DRD3: variants seen among roughly 807,000 people sequenced by gnomAD.
DRD3 encodes the protein dopamine receptor D3, also known as D(3) dopamine receptor.
DRD3 carries 19 observed loss-of-function variants against 36.3 expected under a neutral mutation model. The observed-to-expected ratio is 0.52, with a 90% CI of 0.36 to 0.77. The LOEUF is 0.77. DRD3 is among the 30% of genes least tolerant of loss of function. The pLI, the probability that DRD3 is intolerant of heterozygous loss-of-function variation, is 0.00. For synonymous variants in DRD3, 195 were observed against 203.7 expected (o/e 0.96, Z 0.36); for missense variants, 465 against 505.3 (o/e 0.92, Z 0.77).
chr3:114,166,548 T>C (rs324023), intron 2 of DRD3, among the ~76,000 whole-genome samples: 87,683 of 152,100 alleles, frequency 0.58, 28,168 homozygotes, highest in Non-Finnish European at 0.72. Flanking sequence ...GATGACAGCA[T>C]GAAGGCCCTT....
intron 1 of DRD3, among the ~76,000 whole-genome samples, chr3:114,176,997 T>C (rs1262701097): frequency 6.6e-6 from 1 of 151,996 alleles, no homozygotes; most frequent in Non-Finnish European, 1.5e-5. Flanking sequence ...AATGATGGAG[T>C]TGATTCAACC....
upstream of DRD3, among the ~76,000 whole-genome samples, chr3:114,181,231 A>G (rs969291060): frequency 7.9e-5 from 12 of 152,228 alleles, no homozygotes; most frequent in Non-Finnish European, 1.6e-4. Context: ...AACAAGAGAC[A>G]GGAAAATTAA....
chr3:114,174,495 C>A (rs889120340), intron 1 of DRD3, among the ~76,000 whole-genome samples: 5 of 152,194 alleles, frequency 3.3e-5, no homozygotes, highest in Non-Finnish European at 7.3e-5. Flanking sequence ...GCTAATTATA[C>A]GAAGGGAAAC....
At chr3:114,170,178 A>T (rs942780290) in intron 2 of DRD3, among the ~76,000 whole-genome samples, 27 of 152,188 alleles carry the variant, frequency 1.8e-4, no homozygotes, top group African/African-American at 6.5e-4. Flanking sequence ...TTATTGTTGG[A>T]TGTAAAATAA....
intron 3 of DRD3, among the ~76,000 whole-genome samples, chr3:114,156,712 CCTGT>C (rs1283116638): frequency 6.9e-5 from 4 of 57,758 alleles, no homozygotes; most frequent in East Asian, 4.7e-4. Context: ...ATATGGCTTG[CCTGT>C]CTTTCTTTCT....
At chr3:114,143,733 A>G (rs1172500769) in intron 4 of DRD3, among the ~76,000 whole-genome samples, 2 of 152,174 alleles carry the variant, frequency 1.3e-5, no homozygotes, top group Non-Finnish European at 2.9e-5. Flanking sequence ...GAGATGTTCT[A>G]TTGATGAAAT....
intron 2 of DRD3, among the ~76,000 whole-genome samples, chr3:114,163,175 C>T (rs1367246913): frequency 6.6e-6 from 1 of 152,184 alleles, no homozygotes. Flanking sequence ...ATCTGATTAG[C>T]TGATTAAAAT....
chr3:114,177,776 T>A (rs2077915182), intron 1 of DRD3, among the ~76,000 whole-genome samples: 1 of 152,212 alleles, frequency 6.6e-6, no homozygotes, highest in Admixed American at 6.5e-5. Context: ...CGAGTAAGAA[T>A]CTTTCTCACA....
intron 6 of DRD3, among the ~76,000 whole-genome samples, chr3:114,130,561 A>G (rs925461747): frequency 6.6e-6 from 1 of 151,306 alleles, no homozygotes; most frequent in Non-Finnish European, 1.5e-5. Context: ...AGTAGCTGGG[A>G]CTACAGGCGC....
At chr3:114,139,471 C>T (rs371520451) in intron 5 of DRD3, 29 bp downstream of exon 5, 20 of 1,595,966 alleles carry the variant, frequency 1.3e-5, no homozygotes, top group Non-Finnish European at 1.5e-5. Flanking sequence ...TGGGTGTTGT[C>T]TTCCCTCTAC....
chr3:114,180,262 T>C (rs1167723847), upstream of DRD3, among the ~76,000 whole-genome samples: 1 of 152,184 alleles, frequency 6.6e-6, no homozygotes, highest in African/African-American at 2.4e-5. Flanking sequence ...TTATATTACA[T>C]CAGTCTTCAT....
At chr3:114,180,809 C>A (rs1404171606), upstream of DRD3, among the ~76,000 whole-genome samples, 2 of 152,116 alleles carry the variant, frequency 1.3e-5, no homozygotes, top group African/African-American at 4.8e-5. Flanking sequence ...GGCTTTTCTT[C>A]CCTTGGATAA....
At chr3:114,132,792 TAAC>T (rs1253074106) in intron 5 of DRD3, among the ~76,000 whole-genome samples, 4 of 152,152 alleles carry the variant, frequency 2.6e-5, no homozygotes, top group South Asian at 2.1e-4. Flanking sequence ...AAATAAATTT[TAAC>T]AACAACAATG....
intron 1 of DRD3, among the ~76,000 whole-genome samples, chr3:114,175,547 T>C (rs7638961): frequency 0.46 from 69,071 of 151,802 alleles, 18,202 homozygotes; most frequent in African/African-American, 0.73. Context: ...TCTCACTCAT[T>C]TTTGCTTTCA....
At chr3:114,168,069 A>G (rs1486581270) in intron 2 of DRD3, among the ~76,000 whole-genome samples, 1 of 152,242 alleles carries the variant, frequency 6.6e-6, no homozygotes, top group East Asian at 1.9e-4. Context: ...AGTTCCTGGT[A>G]TGACAGCCAA....
chr3:114,139,747 G>A, intron 4 of DRD3, 51 bp from the exon 5 acceptor site: 1 of 1,568,548 alleles, frequency 6.4e-7, no homozygotes, highest in Non-Finnish European at 8.7e-7. Context: ...TCAGAACTCA[G>A]TAAGGAGCAT....
intron 3 of DRD3, among the ~76,000 whole-genome samples, chr3:114,152,838 C>T (rs2077630495): frequency 6.6e-6 from 1 of 152,388 alleles, no homozygotes; most frequent in South Asian, 2.1e-4. Context: ...CGCCAAAGCA[C>T]CCGGAGGGCT....
chr3:114,190,619 G>C (rs899150975), intron 1 of DRD3, among the ~76,000 whole-genome samples: 6 of 149,888 alleles, frequency 4.0e-5, no homozygotes, highest in Non-Finnish European at 5.9e-5. Flanking sequence ...TGTTGGCTCT[G>C]CCCTGAACAG....
At chr3:114,146,555 G>T (rs2077571331) in intron 4 of DRD3, among the ~76,000 whole-genome samples, 1 of 151,664 alleles carries the variant, frequency 6.6e-6, no homozygotes, top group South Asian at 2.1e-4. Flanking sequence ...TAAAATTAGT[G>T]GGGCGTGGTG....
Sources: gnomAD v4.1 joint callset for allele counts (sites outside exome capture counted in the v4.1 genomes callset) on GRCh38, gnomAD v4.1.1 for gene constraint, MANE v1.5 for transcripts, NCBI Gene and HGNC (gene_info 2026-07-23, HGNC 2026-07-21) for gene names.